Variants in LRRC27 observed in about 807,000 individuals in gnomAD.
LRRC27 encodes leucine-rich repeat-containing protein 27.
Under a neutral mutation model 55.0 loss-of-function variants are expected in LRRC27, and 57 were observed. That is an observed-to-expected ratio of 1.04 (90% CI 0.84 to 1.29). The LOEUF is 1.29. LRRC27 is among the 50% of genes most tolerant of loss of function. The pLI, the probability that LRRC27 is intolerant of heterozygous loss-of-function variation, is 0.00. For missense variants in LRRC27, 721 were observed against 651.5 expected (o/e 1.11, Z -1.16); for synonymous variants, 278 against 251.9 (o/e 1.10, Z -0.98).
At chr10:132,339,244 G>T (rs1035199064) in intron 3 of LRRC27, among the ~76,000 whole-genome samples, 1 of 152,214 alleles carries the variant, frequency 6.6e-6, no homozygotes, top group African/African-American at 2.4e-5. Context: ...GGTGGCCTCC[G>T]TGGGACAGTA....
chr10:132,342,966 C>T (rs566829379), intron 4 of LRRC27, among the ~76,000 whole-genome samples: 32 of 152,088 alleles, frequency 2.1e-4, no homozygotes, highest in Non-Finnish European at 3.7e-4. Flanking sequence ...GATTGTATAG[C>T]TTTGATTTTA....
At chr10:132,364,922 CT>C (rs2068985289) in intron 9 of LRRC27, among the ~76,000 whole-genome samples, 2 of 134,782 alleles carry the variant, frequency 1.5e-5, no homozygotes, top group Non-Finnish European at 1.7e-5. Context: ...CCAGCTCTTT[CT>C]ACCACCCTGA....
chr10:132,341,849 C>G (rs77745633), intron 3 of LRRC27, among the ~76,000 whole-genome samples: 2 of 152,172 alleles, frequency 1.3e-5, no homozygotes, highest in Non-Finnish European at 2.9e-5. Flanking sequence ...AGGTTCTTAA[C>G]GGGGAGATTT....
At chr10:132,330,191 T>C (rs977017924), upstream of LRRC27, 4 of 489,462 alleles carry the variant, frequency 8.2e-6, no homozygotes, top group African/African-American at 3.9e-5. Context: ...AACATGCTCG[T>C]ACATACAATT....
intron 8 of LRRC27, among the ~76,000 whole-genome samples, chr10:132,359,712 A>C (rs977130881): frequency 2.0e-5 from 3 of 152,252 alleles, no homozygotes; most frequent in Non-Finnish European, 4.4e-5. Context: ...GCAGAGCTAA[A>C]GCCTGTGGCT....
chr10:132,337,368 A>T (rs373705186), intron 2 of LRRC27, 197 bp from the exon 3 acceptor site: 1 of 1,368,248 alleles, frequency 7.3e-7, no homozygotes, highest in South Asian at 1.8e-5. Context: ...CGCCGGAAGG[A>T]GTCCTGGTTC....
At chr10:132,347,582 C>A (rs2067774226) in intron 5 of LRRC27, among the ~76,000 whole-genome samples, 1 of 150,982 alleles carries the variant, frequency 6.6e-6, no homozygotes, top group Non-Finnish European at 1.5e-5. Context: ...CTCGGTGGGG[C>A]CTGCGTGGGA....
At position 132,333,418 on chromosome 10, in the gene LRRC27, A is replaced by G. The variant is rs952029096; in HGVS notation, c.-48-59A>G. On this transcript the variant is annotated intron_variant, in intron 1 of 10. Coordinates refer to ENST00000368614, the MANE Select transcript of LRRC27 (RefSeq NM_030626.3). ...ATTACAGTAGATCTGCCACACAGCT[A>G]TTCTGTTTTGCCTCGGTATAATTAG... 6.0e-6 allele frequency: 4 copies of G among 663,440 alleles called. No homozygotes were observed. The African/African-American group carries it at 7.5e-5, about 12-fold the overall frequency. The allele number at this position is 663,440 out of a possible 1,614,324, so 41.1% of individuals were successfully genotyped here.
At chr10:132,354,434 C>T (rs1369288912) in intron 7 of LRRC27, among the ~76,000 whole-genome samples, 4 of 152,268 alleles carry the variant, frequency 2.6e-5, no homozygotes, top group African/African-American at 9.6e-5. Context: ...CGTCCAGGAG[C>T]GCAGCGGGGC....
chr10:132,357,878 A>G (rs1241032444), intron 8 of LRRC27, among the ~76,000 whole-genome samples: 1 of 152,182 alleles, frequency 6.6e-6, no homozygotes, highest in Non-Finnish European at 1.5e-5. Flanking sequence ...GTGCAGAGGC[A>G]GACCCTCGGC....
At chr10:132,345,536 G>A (rs890604335) in intron 5 of LRRC27, among the ~76,000 whole-genome samples, 3 of 152,230 alleles carry the variant, frequency 2.0e-5, no homozygotes, top group African/African-American at 7.2e-5. Flanking sequence ...CTGCATTGGG[G>A]CATTGCGCTG....
At chr10:132,346,458 C>T (rs1460042244) in intron 5 of LRRC27, among the ~76,000 whole-genome samples, 6 of 152,116 alleles carry the variant, frequency 3.9e-5, no homozygotes, top group Admixed American at 3.3e-4. Flanking sequence ...GGGCGGATCA[C>T]GAGGTCAGGA....
chr10:132,343,145 A>C (rs1206859967), intron 4 of LRRC27, among the ~76,000 whole-genome samples: 1 of 152,072 alleles, frequency 6.6e-6, no homozygotes, highest in Non-Finnish European at 1.5e-5. Flanking sequence ...CCATCTCTAC[A>C]AAAAATAAAA....
At chr10:132,375,035 C>G in intron 10 of LRRC27, 31 bp from the exon 11 acceptor site, 1 of 1,590,296 alleles carries the variant, frequency 6.3e-7, no homozygotes, top group Non-Finnish European at 8.6e-7. Context: ...GCCAGCCTTT[C>G]TAACATCTCC....
At position 132,337,628 on chromosome 10, in the gene LRRC27, A is replaced by T; in HGVS notation, c.274A>T (p.Asn92Tyr). The change falls in exon 3 of 11, where the codon AAC becomes TAC. Residue 92 changes from asparagine to tyrosine, a missense_variant. By Grantham distance (143) the Asn-to-Tyr change is moderately radical. Transcript: ENST00000368614. ...IPQDFFQLLP[N>Y]LTWLDLRYNR... ...TCAAGATTTCTTTCAGTTGCTTCCG[A>T]ACCTGACTTGGCTGGACCTCCGGTA... 6.2e-7 allele frequency: 1 copy of T among 1,614,214 alleles called. No individual in the cohort carries two copies. Among genetic ancestry groups the T allele is most frequent in the South Asian group, 1.1e-5 (1 of 91,080 alleles).
chr10:132,337,226 G>A, intron 2 of LRRC27: 3 of 1,178,352 alleles, frequency 2.5e-6, no homozygotes, highest in Non-Finnish European at 3.2e-6. Flanking sequence ...AGGCACTGGA[G>A]AAACGGCCGA....
chr10:132,364,477 C>CCACCCTTACATCTACCCCCA (rs1477541421), intron 9 of LRRC27, among the ~76,000 whole-genome samples: 1 of 117,702 alleles, frequency 8.5e-6, no homozygotes, highest in South Asian at 2.6e-4. Context: ...ACACTTACAC[C>CCACCCTTACATCTACCCCCA]CACCCACACT....
chr10:132,367,863 CAAG>C (rs1241916529), intron 10 of LRRC27, among the ~76,000 whole-genome samples: 4 of 151,992 alleles, frequency 2.6e-5, no homozygotes, highest in Admixed American at 2.6e-4. Flanking sequence ...TTAGCTAGTT[CAAG>C]AAGACAAGAG....
intron 8 of LRRC27, among the ~76,000 whole-genome samples, chr10:132,358,029 G>A (rs2068386910): frequency 6.6e-6 from 1 of 152,246 alleles, no homozygotes; most frequent in Admixed American, 6.5e-5. Context: ...AGGCACTGGT[G>A]AGATACTTTG....
Sources: allele counts gnomAD v4.1 joint callset (sites outside exome capture counted in the v4.1 genomes callset), GRCh38; gene constraint gnomAD v4.1.1; transcripts MANE v1.5; gene names NCBI Gene and HGNC (gene_info 2026-07-23, HGNC 2026-07-21).